The following PPP6R3 variants were observed in gnomAD, a reference collection of about 807,000 sequenced individuals.
The protein encoded by PPP6R3 is protein phosphatase 6 regulatory subunit 3.
In PPP6R3, 38 loss-of-function variants were observed where a neutral mutation model predicts 110.7. The ratio of observed to expected loss-of-function variants is 0.34; its 90% CI spans 0.26 to 0.45. PPP6R3 has a LOEUF of 0.45. PPP6R3 is among the 20% of genes least tolerant of loss of function. The pLI, the probability that PPP6R3 is intolerant of heterozygous loss-of-function variation, is 1.00. For synonymous variants in PPP6R3, 369 were observed against 373.5 expected (o/e 0.99, Z 0.14); for missense variants, 870 against 1,062.4 (o/e 0.82, Z 2.52).
chr11:68,513,364 A>T (rs964055800), intron 1 of PPP6R3, among the ~76,000 whole-genome samples: 2 of 152,308 alleles, frequency 1.3e-5, no homozygotes, highest in Middle Eastern at 6.8e-3. Flanking sequence ...AATGGAACAG[A>T]TCTGTGAAAT....
chr11:68,587,440 G>A (rs1476021316), intron 15 of PPP6R3: 1 of 164,450 alleles, frequency 6.1e-6, no homozygotes, highest in Non-Finnish European at 1.3e-5. Flanking sequence ...TTGTTTCTAG[G>A]ATTATGCTTG....
chr11:68,580,159 A>G (rs747794033), intron 14 of PPP6R3, among the ~76,000 whole-genome samples: 1 of 152,114 alleles, frequency 6.6e-6, no homozygotes, highest in African/African-American at 2.4e-5. Context: ...GGTTGTTCCT[A>G]GTGTGTGCAG....
intron 4 of PPP6R3, among the ~76,000 whole-genome samples, chr11:68,546,297 A>G (rs1326531796): frequency 1.3e-5 from 2 of 152,140 alleles, no homozygotes; most frequent in Non-Finnish European, 2.9e-5. Flanking sequence ...CCCTGATATT[A>G]CCAGGCAGTT....
intron 23 of PPP6R3, among the ~76,000 whole-genome samples, chr11:68,610,732 T>C (rs1024174925): frequency 6.6e-6 from 1 of 152,192 alleles, no homozygotes; most frequent in African/African-American, 2.4e-5. Context: ...GGAAGCTTTG[T>C]TCAGCACTTC....
At chr11:68,572,532 AAAGAGACTCTGAGCAACTC>A (rs2099511516) in intron 12 of PPP6R3, among the ~76,000 whole-genome samples, 1 of 152,068 alleles carries the variant, frequency 6.6e-6, no homozygotes, top group South Asian at 2.1e-4. Context: ...TGAAGAACTA[AAAGAGACTCTGAGCAACTC>A]AGTGAAGATT....
At chr11:68,578,001 T>A (rs1240845591) in intron 14 of PPP6R3, among the ~76,000 whole-genome samples, 2 of 152,230 alleles carry the variant, frequency 1.3e-5, no homozygotes, top group Non-Finnish European at 2.9e-5. Context: ...TTCAGGTGGA[T>A]CTAAATACTT....
Position 68,614,719 on chromosome 11 carries a change from A to G in PPP6R3, c.*1602A>G. The G allele has an allele frequency of 2.6e-6, 4 of 1,534,434 alleles. No individual in the cohort carries two copies. The highest frequency in any genetic ancestry group is 3.5e-6 in the Non-Finnish European group (4 of 1,137,894). ...CAAGGGTGGGTCCCTTGACCTTTGCACGCCTCCTCAGGAACCCCCTTTCCC... is the reference window on the plus strand; with the variant it reads ...CAAGGGTGGGTCCCTTGACCTTTGCGCGCCTCCTCAGGAACCCCCTTTCCC... On this transcript the variant is annotated 3_prime_UTR_variant, in exon 24 of 24. Coordinates refer to ENST00000393800, the MANE Select transcript of PPP6R3 (RefSeq NM_001164161.2).
At chr11:68,610,328 A>G (rs142543060) in intron 23 of PPP6R3, among the ~76,000 whole-genome samples, 2 of 152,274 alleles carry the variant, frequency 1.3e-5, no homozygotes, top group East Asian at 3.9e-4. Context: ...TTGTTGAGGT[A>G]CTGAGCTGAG....
chr11:68,526,359 C>T (rs1395378387), intron 2 of PPP6R3, among the ~76,000 whole-genome samples: 6 of 152,084 alleles, frequency 3.9e-5, no homozygotes, highest in Non-Finnish European at 5.9e-5. Flanking sequence ...CCCACCTCAG[C>T]CTCCTGAGTA....
intron 3 of PPP6R3, among the ~76,000 whole-genome samples, chr11:68,544,341 C>T (rs556976362): frequency 1.3e-5 from 2 of 152,282 alleles, no homozygotes; most frequent in African/African-American, 4.8e-5. Flanking sequence ...GACTTAGTAC[C>T]ATTTACAACC....
intron 1 of PPP6R3, among the ~76,000 whole-genome samples, chr11:68,511,579 C>G (rs1239440965): frequency 6.7e-6 from 1 of 149,262 alleles, no homozygotes; most frequent in Non-Finnish European, 1.5e-5. Flanking sequence ...CTCCTGGGTT[C>G]AAGTGATTCC....
intron 8 of PPP6R3, among the ~76,000 whole-genome samples, chr11:68,563,023 C>G (rs892577207): frequency 6.6e-6 from 1 of 151,324 alleles, no homozygotes; most frequent in Non-Finnish European, 1.5e-5. Context: ...TGAAGAATAC[C>G]TAGGCTGGAT....
intron 1 of PPP6R3, among the ~76,000 whole-genome samples, chr11:68,504,969 A>G (rs148994353): frequency 3.3e-5 from 5 of 152,248 alleles, no homozygotes; most frequent in African/African-American, 1.2e-4. Context: ...GTCTGGTTTC[A>G]ATTTACTTCA....
At chr11:68,506,542 G>A (rs1232879349) in intron 1 of PPP6R3, among the ~76,000 whole-genome samples, 2 of 147,720 alleles carry the variant, frequency 1.4e-5, no homozygotes, top group African/African-American at 2.5e-5. Flanking sequence ...ATTAAATCAA[G>A]TTAATTAACA....
At chr11:68,551,040 A>G (rs2099370306) in intron 5 of PPP6R3, 81 bp from the exon 6 acceptor site, 1 of 974,008 alleles carries the variant, frequency 1.0e-6, no homozygotes. Context: ...TGTGATGGAT[A>G]TTTCCAAGTA....
intron 1 of PPP6R3, among the ~76,000 whole-genome samples, chr11:68,478,237 C>T (rs533975082): frequency 6.7e-4 from 102 of 151,526 alleles, no homozygotes; most frequent in African/African-American, 1.6e-3. Flanking sequence ...CGTGAGCTGC[C>T]GCGCCCGGCC....
At chr11:68,594,317 AG>A (rs1376147070) in intron 18 of PPP6R3, among the ~76,000 whole-genome samples, 16 of 147,372 alleles carry the variant, frequency 1.1e-4, no homozygotes, top group African/African-American at 3.9e-4. Flanking sequence ...AGAGAGAGAG[AG>A]AAAAAGAGAG....
At chr11:68,464,913 A>C (rs2098734957) in intron 1 of PPP6R3, among the ~76,000 whole-genome samples, 1 of 146,234 alleles carries the variant, frequency 6.8e-6, no homozygotes. Flanking sequence ...AGACAGTCTC[A>C]CTATGTCACC....
intron 5 of PPP6R3, 60 bp from the exon 6 acceptor site, chr11:68,551,061 C>T (rs2099370676): frequency 2.6e-6 from 3 of 1,163,802 alleles, no homozygotes; most frequent in African/African-American, 1.5e-5. Context: ...TGTTAATCTA[C>T]ATTGGGGCTT....
Sources: allele counts gnomAD v4.1 joint callset (sites outside exome capture counted in the v4.1 genomes callset), GRCh38; gene constraint gnomAD v4.1.1; transcripts MANE v1.5; gene names NCBI Gene and HGNC (gene_info 2026-07-23, HGNC 2026-07-21).